The following INPP4B variants were observed in gnomAD, a reference collection of about 807,000 sequenced individuals.
The protein encoded by INPP4B is inositol polyphosphate 4-phosphatase type II.
A neutral mutation model predicts 122.5 loss-of-function variants in INPP4B; 55 were observed. The observed-to-expected ratio is 0.45, with a 90% CI of 0.36 to 0.56. INPP4B has a LOEUF of 0.56. Among genes scored for constraint, INPP4B ranks in the 20% least tolerant of loss-of-function variants. The probability of loss-of-function intolerance (pLI) is 0.00; values close to 1 mark genes in which losing one functional copy is unlikely to be tolerated. For synonymous variants in INPP4B, 403 were observed against 388.7 expected (o/e 1.04, Z -0.43); for missense variants, 1,000 against 1,097.7 (o/e 0.91, Z 1.26).
chr4:142,553,857 T>C (rs1728521059), intron 2 of INPP4B, among the ~76,000 whole-genome samples: 3 of 152,156 alleles, frequency 2.0e-5, no homozygotes, highest in South Asian at 4.1e-4. Context: ...TGTTCATTTC[T>C]CAATGAATGG....
At chr4:142,562,816 C>T (rs1302926843) in intron 2 of INPP4B, among the ~76,000 whole-genome samples, 2 of 152,092 alleles carry the variant, frequency 1.3e-5, no homozygotes, top group East Asian at 3.8e-4. Context: ...TCTCTCTTCT[C>T]ATGTTACTTG....
In INPP4B at chr4:142,737,611, T is replaced by A. The variant is rs1046448102; in HGVS notation, c.-253-11710A>T. Among the ~76,000 whole-genome samples the A allele has an allele frequency of 4.6e-5, 7 of 152,048 alleles. No individual in the cohort carries two copies. In the South Asian group the frequency reaches 1.5e-3, roughly 32 times the overall value. ...GGCAACAGAAGCCAAAATGGACAAA[T>A]GGGATCTAATTAAACTAAAGAGCTT... is the stretch of plus-strand genomic sequence containing the variant. On this transcript the variant is annotated intron_variant, in intron 1 of 25. Coordinates refer to ENST00000262992, the MANE Select transcript of INPP4B (RefSeq NM_001101669.3).
chr4:142,640,330 T>A (rs1157851039), intron 2 of INPP4B, among the ~76,000 whole-genome samples: 1 of 152,106 alleles, frequency 6.6e-6, no homozygotes, highest in African/African-American at 2.4e-5. Flanking sequence ...TAAAATTATG[T>A]GGTACTGGTA....
chr4:142,374,497 G>GGAAAATTTTGAGAATA, intron 7 of INPP4B, among the ~76,000 whole-genome samples: 1 of 151,930 alleles, frequency 6.6e-6, no homozygotes, highest in East Asian at 1.9e-4. Context: ...TTTTGAGATG[G>GGAAAATTTTGAGAATA]TATGGGAAAC....
intron 5 of INPP4B, among the ~76,000 whole-genome samples, chr4:142,421,574 T>C (rs1047769006): frequency 1.3e-5 from 2 of 152,206 alleles, no homozygotes; most frequent in African/African-American, 4.8e-5. Context: ...GCAAGAGAAT[T>C]TCTAGAGCTT....
chr4:142,136,632 G>C (rs900448317), intron 18 of INPP4B, among the ~76,000 whole-genome samples: 1 of 152,156 alleles, frequency 6.6e-6, no homozygotes, highest in Non-Finnish European at 1.5e-5. Context: ...AGGGTGAGGT[G>C]GAAGGAGATG....
At chr4:142,545,752 T>TAC (rs1252029317) in intron 2 of INPP4B, among the ~76,000 whole-genome samples, 60 of 141,344 alleles carry the variant, frequency 4.2e-4, no homozygotes, top group Non-Finnish European at 4.4e-4. Flanking sequence ...TGTATATATA[T>TAC]ACACATGTAT....
chr4:142,081,195 A>C lies in INPP4B; in HGVS notation c.2642+836T>G, dbSNP rs564799885. On this transcript the variant is annotated intron_variant, in intron 25 of 25. Transcript: ENST00000262992. ...GATAGCTAATGGCAGGCTAGATAAGAAGCAGCCTTCTCCAGTGAATCATAT... is the reference window on the plus strand; with the variant it reads ...GATAGCTAATGGCAGGCTAGATAAGCAGCAGCCTTCTCCAGTGAATCATAT... Among the ~76,000 whole-genome samples the C allele has an allele frequency of 2.8e-4, 42 of 152,258 alleles. 1 individual carries two copies. Among genetic ancestry groups the C allele is most frequent in the Middle Eastern group, 6.8e-3 (2 of 294 alleles).
intron 22 of INPP4B, among the ~76,000 whole-genome samples, chr4:142,109,406 A>G (rs1178335912): frequency 2.0e-5 from 3 of 152,304 alleles, no homozygotes; most frequent in Non-Finnish European, 4.4e-5. Context: ...CCTATATTTC[A>G]TCATATCAAC....
chr4:142,044,128 CA>C (rs1749919698), intron 25 of INPP4B, among the ~76,000 whole-genome samples: 1 of 152,066 alleles, frequency 6.6e-6, no homozygotes, highest in Non-Finnish European at 1.5e-5. Flanking sequence ...AGAAAAAATA[CA>C]TTATATTTAA....
chr4:142,151,980 T>C lies in INPP4B; in HGVS notation c.1564-5984A>G, dbSNP rs143607592. ...AGAATACTTTCTCCGTTATCTTCCA[T>C]CAATCTAAATTCTTGCCCTTTCAAA... On this transcript the variant is annotated intron_variant, in intron 17 of 25. Coordinates refer to ENST00000262992, the MANE Select transcript of INPP4B (RefSeq NM_001101669.3). 4.9e-3 allele frequency among the ~76,000 whole-genome samples: 743 copies of C among 151,922 alleles called. 6 individuals carry two copies. The highest frequency in any genetic ancestry group is 0.017 in the African/African-American group (714 of 41,414).
At chr4:142,659,410 G>A (rs369140805) in intron 2 of INPP4B, among the ~76,000 whole-genome samples, 1,727 of 140,004 alleles carry the variant, frequency 0.012, 28 homozygotes, top group African/African-American at 0.033. Context: ...TGTCTCAAAA[G>A]AAAAAAAAAA....
intron 2 of INPP4B, among the ~76,000 whole-genome samples, chr4:142,667,418 G>A (rs1312547411): frequency 6.6e-6 from 1 of 152,122 alleles, no homozygotes; most frequent in Non-Finnish European, 1.5e-5. Context: ...CTCAATAACT[G>A]TAATGCACTG....
In INPP4B at chr4:142,281,381, T is replaced by C. The variant is rs546916999; in HGVS notation, c.504-10607A>G. 3.6e-3 allele frequency among the ~76,000 whole-genome samples: 549 copies of C among 151,576 alleles called. 2 individuals are homozygous for C. Among genetic ancestry groups the C allele is most frequent in the African/African-American group, 0.013 (529 of 41,304 alleles). ...CTTCAACAAAAACTTTTTACATGAA[T>C]GGTTTGTAAACATTACAAAACCAAT... On this transcript the variant is annotated intron_variant, in intron 9 of 25. Transcript: ENST00000262992.
At position 142,329,043 on chromosome 4, in the gene INPP4B, G is replaced by C. The variant is rs569281292; in HGVS notation, c.373-14281C>G. Among the ~76,000 whole-genome samples, 5 of 152,266 alleles carry C rather than the reference G, an allele frequency of 3.3e-5. No homozygotes were observed. The South Asian group carries it at 1.0e-3, about 32-fold the overall frequency. On this transcript the variant is annotated intron_variant, in intron 7 of 25. Transcript: ENST00000262992. The stretch of plus-strand genomic sequence containing the variant: ...CACCTCCCTCCATGCCTTTGCATGC[G>C]CTGATCTGTCCTTTTAAGTACAAGA...
intron 1 of INPP4B, among the ~76,000 whole-genome samples, chr4:142,758,980 A>G (rs1419562876): frequency 6.6e-6 from 1 of 151,888 alleles, no homozygotes; most frequent in Non-Finnish European, 1.5e-5. Context: ...ATCACTTGTT[A>G]AAAGCCTTTC....
chr4:142,303,107 T>C (rs1762092438), intron 9 of INPP4B, among the ~76,000 whole-genome samples: 1 of 152,154 alleles, frequency 6.6e-6, no homozygotes, highest in African/African-American at 2.4e-5. Context: ...GTCTTGTTCC[T>C]TTAAGTTTTC....
intron 9 of INPP4B, among the ~76,000 whole-genome samples, chr4:142,274,243 A>G (rs781426717): frequency 2.6e-5 from 4 of 151,884 alleles, no homozygotes; most frequent in Non-Finnish European, 5.9e-5. Flanking sequence ...TGTGCTAGGA[A>G]TCAAGAAATC....
intron 1 of INPP4B, among the ~76,000 whole-genome samples, chr4:142,837,159 A>T (rs1038263935): frequency 6.0e-5 from 9 of 149,068 alleles, no homozygotes; most frequent in South Asian, 4.2e-4. Context: ...ACAGTCTCAA[A>T]AATAATAATA....
Sources: gnomAD v4.1 joint callset for allele counts (sites outside exome capture counted in the v4.1 genomes callset) on GRCh38, gnomAD v4.1.1 for gene constraint, MANE v1.5 for transcripts, NCBI Gene and HGNC (gene_info 2026-07-23, HGNC 2026-07-21) for gene names.